The following SLC4A5 variants were observed in gnomAD, a reference collection of about 807,000 sequenced individuals.
SLC4A5 encodes the protein electrogenic sodium bicarbonate cotransporter 4.
In SLC4A5, 96 loss-of-function variants were observed where a neutral mutation model predicts 120.4. That is an observed-to-expected ratio of 0.80 (90% confidence interval 0.68 to 0.94). The LOEUF is 0.94. SLC4A5 is among the 40% of genes least tolerant of loss of function. The pLI is 0.00. For missense variants in SLC4A5, 1,259 were observed against 1,459.5 expected (o/e 0.86, Z 2.24); for synonymous variants, 550 against 571.1 (o/e 0.96, Z 0.53).
rs570191654 is a variant in SLC4A5 at position 74,321,509 on chromosome 2, T to A, written c.-2-6484A>T. ...AACTTTGAGTATATGTTCAGCACAA[T>A]ATTTGGGATATACTTCTACTAAAAA... On this transcript the variant is annotated intron_variant, in intron 5 of 30. Transcript: ENST00000394019. Among the ~76,000 whole-genome samples, 3 of 152,232 alleles carry A rather than the reference T, an allele frequency of 2.0e-5. No individual in the cohort carries two copies. The East Asian group carries it at 5.8e-4, about 29-fold the overall frequency.
intron 23 of SLC4A5, among the ~76,000 whole-genome samples, chr2:74,233,033 G>A (rs1670146759): frequency 6.6e-6 from 1 of 152,200 alleles, no homozygotes; most frequent in African/African-American, 2.4e-5. Flanking sequence ...AGGCTCACAG[G>A]CTGGGTGGGG....
At chr2:74,332,736 C>T (rs1369315074) in intron 4 of SLC4A5, among the ~76,000 whole-genome samples, 1 of 150,878 alleles carries the variant, frequency 6.6e-6, no homozygotes, top group Non-Finnish European at 1.5e-5. Flanking sequence ...CGTGTGTGTG[C>T]GCATGTATGT....
chr2:74,274,454 GTATA>G (rs1671577332), intron 8 of SLC4A5, among the ~76,000 whole-genome samples: 1 of 152,210 alleles, frequency 6.6e-6, no homozygotes, highest in Admixed American at 6.5e-5. Flanking sequence ...TGCATACCAT[GTATA>G]TGTTAATAAA....
Position 74,255,882 on chromosome 2 carries a change from G to T in SLC4A5, c.918C>A (p.Asn306Lys), listed in dbSNP as rs150389676. ...GGAAGTCCACCTCGCCCACGAGCAC[G>T]TTGGACGCTTCTGAGTCCTTGGGGA... Residue 306 changes from asparagine to lysine, a missense_variant, in exon 13 of 31, where the codon AAC (asparagine) becomes AAA (lysine). Coordinates refer to ENST00000394019, the Ensembl canonical transcript of SLC4A5. The surrounding 1 kb of genome is among the most constrained non-coding windows in gnomAD (Gnocchi z 4.0). 2 of 1,614,082 alleles carry T rather than the reference G, an allele frequency of 1.2e-6. No individual in the cohort carries two copies. The highest frequency in any genetic ancestry group is 1.3e-5 in the African/African-American group (1 of 74,922).
chr2:74,284,154 C>T (rs1384673006), intron 8 of SLC4A5, among the ~76,000 whole-genome samples: 1 of 120,540 alleles, frequency 8.3e-6, no homozygotes, highest in Non-Finnish European at 1.5e-5. Flanking sequence ...AGCCCTTATT[C>T]CTTATTTCTT....
rs537873064 is a variant in SLC4A5, at chr2:74,224,457, C to T, written c.3246+383G>A. Among the ~76,000 whole-genome samples, 5 of 152,324 alleles carry T rather than the reference C, an allele frequency of 3.3e-5. No individual in the cohort carries two copies. The East Asian group carries it at 9.7e-4, about 29-fold the overall frequency. ...ACTTATAAGGCCCCATTAGACACCTCTCCCCAAGTCTGCTCCACTCTTTGG... is the reference window on the plus strand; with the variant it reads ...ACTTATAAGGCCCCATTAGACACCTTTCCCCAAGTCTGCTCCACTCTTTGG... On this transcript the variant is annotated intron_variant, in intron 28 of 30. Coordinates refer to ENST00000394019, the Ensembl canonical transcript of SLC4A5.
At chr2:74,236,603 C>T (rs1318406058) in intron 21 of SLC4A5, among the ~76,000 whole-genome samples, 1 of 152,194 alleles carries the variant, frequency 6.6e-6, no homozygotes, top group Non-Finnish European at 1.5e-5. Flanking sequence ...TTAGTAACAG[C>T]TTTATATTAT....
At chr2:74,241,297 G>GC (rs1484120712) in intron 20 of SLC4A5, among the ~76,000 whole-genome samples, 2 of 142,930 alleles carry the variant, frequency 1.4e-5, no homozygotes, top group African/African-American at 2.8e-5. Flanking sequence ...ACAGGGTCTC[G>GC]CTCTGTCACC....
chr2:74,338,361 C>T (rs888682856), intron 3 of SLC4A5, among the ~76,000 whole-genome samples: 3 of 152,062 alleles, frequency 2.0e-5, no homozygotes, highest in African/African-American at 7.2e-5. Context: ...CAAATCAGCA[C>T]CACAATGAAA....
At chr2:74,223,035 C>T (rs546940709) in intron 28 of SLC4A5, 83 bp from the exon 29 acceptor site, 154 of 896,812 alleles carry the variant, frequency 1.7e-4, no homozygotes, top group Non-Finnish European at 2.2e-4. Flanking sequence ...GACAGAGTCT[C>T]GCTCTACTGC....
chr2:74,218,960 G>C (rs951557976), intron 30 of SLC4A5, among the ~76,000 whole-genome samples, 168 bp from the exon 31 acceptor site: 4 of 152,306 alleles, frequency 2.6e-5, no homozygotes, highest in African/African-American at 9.6e-5. Context: ...TCACGCATCT[G>C]GTCTCACCCT....
At chr2:74,231,798 G>C (rs1016673255) in intron 24 of SLC4A5, among the ~76,000 whole-genome samples, 2 of 152,234 alleles carry the variant, frequency 1.3e-5, no homozygotes, top group South Asian at 4.1e-4. Flanking sequence ...GCAGGTGTCA[G>C]GGGTGGGAGG....
At chr2:74,232,245 T>C (rs1251440424) in intron 24 of SLC4A5, among the ~76,000 whole-genome samples, 34 of 152,144 alleles carry the variant, frequency 2.2e-4, no homozygotes, top group African/African-American at 8.0e-4. Context: ...GGATGGGGTA[T>C]GCATACTGCT....
intron 2 of SLC4A5, among the ~76,000 whole-genome samples, chr2:74,340,123 T>C (rs1044703037): frequency 6.6e-6 from 1 of 152,208 alleles, no homozygotes; most frequent in Admixed American, 6.5e-5. Context: ...GTGGTGATGG[T>C]TGTATTACAG....
chr2:74,280,202 T>C (rs899669438), intron 8 of SLC4A5, among the ~76,000 whole-genome samples: 1 of 152,100 alleles, frequency 6.6e-6, no homozygotes. Flanking sequence ...CCTCTATGTG[T>C]CTGTTTGCCC....
At chr2:74,216,373 AT>A (rs1443493079) in exon 31 of SLC4A5, 5 of 152,258 alleles carry the variant, frequency 3.3e-5, no homozygotes, top group Admixed American at 1.3e-4. Flanking sequence ...TATACAAAAT[AT>A]AAATGACATG....
chr2:74,255,846 T>C lies in SLC4A5; in HGVS notation c.954A>G (p.Pro318=). The C allele has an allele frequency of 6.2e-7, 1 of 1,614,188 alleles. No homozygotes were observed. The highest frequency in any genetic ancestry group is 8.5e-7 in the Non-Finnish European group (1 of 1,180,026). Residue 318 remains proline, a synonymous_variant, in exon 13 of 31, where the codon CCA becomes CCG. Transcript: ENST00000394019. The surrounding 1 kb of genome is among the most constrained non-coding windows in gnomAD (Gnocchi z 4.0). ...GGATGAGGCGCACGAACGCGATGAA[T>C]GGCTGGTCTAGGAAGTCCACCTCGC... is the stretch of plus-strand genomic sequence containing the variant.
Position 74,255,866 on chromosome 2 carries a change from C to A in SLC4A5, c.934G>T (p.Val312Leu). 1 of 1,614,206 alleles carries A rather than the reference C, an allele frequency of 6.2e-7. No homozygotes were observed. The highest frequency in any genetic ancestry group is 8.5e-7 in the Non-Finnish European group (1 of 1,180,048). The change falls in exon 13 of 31, where the codon GTG becomes TTG. Residue 312 changes from valine (V) to leucine (L), a missense_variant. Physicochemically the swap from Val to Leu is conservative, Grantham distance 32. Transcript: ENST00000394019. The surrounding 1 kb of genome is among the most constrained non-coding windows in gnomAD (Gnocchi z 4.0). ...ATGAATGGCTGGTCTAGGAAGTCCA[C>A]CTCGCCCACGAGCACGTTGGACGCT...
At chr2:74,279,702 A>G (rs1671749316) in intron 8 of SLC4A5, among the ~76,000 whole-genome samples, 1 of 152,180 alleles carries the variant, frequency 6.6e-6, no homozygotes, top group South Asian at 2.1e-4. Flanking sequence ...CCAAAATGGA[A>G]CTCATTATCA....
Sources: allele counts gnomAD v4.1 joint callset (sites outside exome capture counted in the v4.1 genomes callset), GRCh38; gene constraint gnomAD v4.1.1; non-coding constraint Gnocchi (gnomAD v3.1); transcripts MANE v1.5; gene names NCBI Gene and HGNC (gene_info 2026-07-23, HGNC 2026-07-21).